The following PPP1R16B variants were observed in gnomAD, a reference collection of about 807,000 sequenced individuals.
The protein encoded by PPP1R16B is protein phosphatase 1 regulatory subunit 16B.
In PPP1R16B, 14 loss-of-function variants were observed where a neutral mutation model predicts 61.7. The ratio of observed to expected loss-of-function variants is 0.23; its 90% confidence interval spans 0.15 to 0.35. The LOEUF is 0.35. PPP1R16B is among the 10% of genes least tolerant of loss of function. PPP1R16B has a pLI of 1.00. For missense variants in PPP1R16B, 547 were observed against 752.5 expected (o/e 0.73, Z 3.19); for synonymous variants, 266 against 305.3 (o/e 0.87, Z 1.34).
chr20:38,852,768 T>TTTTTGTGG (rs1601257219), intron 2 of PPP1R16B, among the ~76,000 whole-genome samples: 2 of 62,336 alleles, frequency 3.2e-5, no homozygotes, highest in Non-Finnish European at 5.9e-5. Context: ...TTTTTTTTTT[T>TTTTTGTGG]GCGGGGGGTG....
chr20:38,889,713 G>A (rs375410696), intron 3 of PPP1R16B, 48 bp downstream of exon 3: 1 of 1,511,674 alleles, frequency 6.6e-7, no homozygotes, highest in Non-Finnish European at 9.2e-7. Context: ...CCCTCACCTG[G>A]ACAGGTACCC....
At chr20:38,815,134 A>C (rs1192777731) in intron 1 of PPP1R16B, among the ~76,000 whole-genome samples, 2 of 152,212 alleles carry the variant, frequency 1.3e-5, no homozygotes, top group Admixed American at 6.5e-5. Context: ...TATCATAAGT[A>C]AACTTTCCCC....
chr20:38,818,999 C>G (rs1451135374), intron 1 of PPP1R16B, among the ~76,000 whole-genome samples: 1 of 152,166 alleles, frequency 6.6e-6, no homozygotes, highest in East Asian at 1.9e-4. Flanking sequence ...TACTCTCAAA[C>G]TCCTGGGCTC....
intron 2 of PPP1R16B, among the ~76,000 whole-genome samples, chr20:38,854,340 A>G (rs1287358461): frequency 1.3e-5 from 2 of 152,226 alleles, no homozygotes; most frequent in Non-Finnish European, 2.9e-5. Flanking sequence ...AGCTGCATAG[A>G]CACAACAGTG....
rs73908205 is a variant in PPP1R16B, at chr20:38,900,752, T to G, written c.571+68T>G. On this transcript the variant is annotated intron_variant, in intron 5 of 10. Transcript: ENST00000299824. ...TTGCAGAGAGCGTCCCTTAAATCAA[T>G]GCAGGCGAACAGATTAGCTACGCAT... The G allele has an allele frequency of 4.1e-3, 5,168 of 1,258,504 alleles. 185 individuals carry two copies. The African/African-American group carries it at 0.071, about 17-fold the overall frequency. The allele number at this position is 1,258,504 out of a possible 1,614,324, so 78.0% of individuals were successfully genotyped here.
intron 1 of PPP1R16B, among the ~76,000 whole-genome samples, chr20:38,828,800 A>C (rs143210285): frequency 1.2e-3 from 187 of 152,332 alleles, no homozygotes; most frequent in Non-Finnish European, 2.4e-3. Flanking sequence ...ATAATGTGGG[A>C]ATACACAGAT....
At chr20:38,888,952 G>C (rs1456051261) in intron 2 of PPP1R16B, among the ~76,000 whole-genome samples, 1 of 150,468 alleles carries the variant, frequency 6.6e-6, no homozygotes, top group East Asian at 2.0e-4. Context: ...TCTAGGGATT[G>C]GGGATGGTTA....
At chr20:38,846,660 C>T (rs1283815433) in intron 2 of PPP1R16B, among the ~76,000 whole-genome samples, 1 of 152,126 alleles carries the variant, frequency 6.6e-6, no homozygotes, top group African/African-American at 2.4e-5. Flanking sequence ...TGAGGCCATT[C>T]CCAATTTTTG....
chr20:38,897,570 T>C (rs370234107), intron 4 of PPP1R16B, among the ~76,000 whole-genome samples: 2 of 152,352 alleles, frequency 1.3e-5, no homozygotes, highest in East Asian at 1.9e-4. Flanking sequence ...AACATGAGTG[T>C]ACAAATATCT....
chr20:38,811,772 A>C lies in PPP1R16B; in HGVS notation c.-102+5980A>C, dbSNP rs140017326. Among the ~76,000 whole-genome samples, 69 of 152,308 alleles carry C rather than the reference A, an allele frequency of 4.5e-4. No homozygotes were observed. The Middle Eastern group carries it at 0.014, about 30-fold the overall frequency. On this transcript the variant is annotated intron_variant, in intron 1 of 10. Transcript: ENST00000299824. ...GGAGAGGAGCTACTGACATCCAGTG[A>C]GTAGACACCAGGGGTGCTGCTAAAT...
intron 2 of PPP1R16B, among the ~76,000 whole-genome samples, chr20:38,877,892 C>T (rs2085178680): frequency 6.7e-6 from 1 of 148,366 alleles, no homozygotes; most frequent in African/African-American, 2.5e-5. Context: ...TTGAACATTC[C>T]TTTAATTTTA....
intron 2 of PPP1R16B, among the ~76,000 whole-genome samples, chr20:38,882,255 G>A (rs1001566819): frequency 2.0e-5 from 3 of 152,208 alleles, no homozygotes; most frequent in African/African-American, 7.2e-5. Flanking sequence ...TGCAGAGGGG[G>A]ACAGTGTTGG....
intron 2 of PPP1R16B, among the ~76,000 whole-genome samples, chr20:38,853,561 G>T (rs972259355): frequency 6.6e-6 from 1 of 152,212 alleles, no homozygotes; most frequent in African/African-American, 2.4e-5. Context: ...CACAAAAGTA[G>T]TAACGGCAGT....
chr20:38,840,637 G>A (rs1049907885), intron 2 of PPP1R16B, among the ~76,000 whole-genome samples: 1 of 152,230 alleles, frequency 6.6e-6, no homozygotes, highest in African/African-American at 2.4e-5. Flanking sequence ...GGAGCCATCT[G>A]TGAGCCTTTT....
chr20:38,819,053 G>A (rs2084757335), intron 1 of PPP1R16B, among the ~76,000 whole-genome samples: 1 of 152,142 alleles, frequency 6.6e-6, no homozygotes. Context: ...TGGGATTCAG[G>A]CATGAACCAC....
intron 2 of PPP1R16B, among the ~76,000 whole-genome samples, chr20:38,857,710 C>T (rs191604419): frequency 3.3e-5 from 5 of 152,282 alleles, no homozygotes; most frequent in African/African-American, 1.2e-4. Context: ...CAAGTATATT[C>T]CAGTCTTGGT....
At chr20:38,845,038 C>T (rs927440998) in intron 2 of PPP1R16B, among the ~76,000 whole-genome samples, 3 of 151,854 alleles carry the variant, frequency 2.0e-5, no homozygotes, top group East Asian at 1.9e-4. Flanking sequence ...AGGAAGGCAC[C>T]GTATGGAGAG....
intron 2 of PPP1R16B, among the ~76,000 whole-genome samples, chr20:38,853,896 A>G (rs1244358558): frequency 6.6e-6 from 1 of 152,212 alleles, no homozygotes; most frequent in Admixed American, 6.5e-5. Context: ...CCAATGCACA[A>G]GTATTTATCC....
chr20:38,887,072 T>TGTG (rs11473952), intron 2 of PPP1R16B, among the ~76,000 whole-genome samples: 8 of 151,792 alleles, frequency 5.3e-5, no homozygotes, highest in African/African-American at 1.9e-4. Flanking sequence ...TGTGTGTGTG[T>TGTG]TAGTGTTAGA....
Sources: gnomAD v4.1 joint callset for allele counts (sites outside exome capture counted in the v4.1 genomes callset) on GRCh38, gnomAD v4.1.1 for gene constraint, MANE v1.5 for transcripts, NCBI Gene and HGNC (gene_info 2026-07-23, HGNC 2026-07-21) for gene names.